PTPRT: variants seen among roughly 807,000 people sequenced by gnomAD.
The protein encoded by PTPRT is protein tyrosine phosphatase receptor type T, also known as receptor-type tyrosine-protein phosphatase T.
PTPRT carries 56 observed loss-of-function variants against 176.8 expected under a neutral mutation model. The observed-to-expected ratio is 0.32, with a 90% CI of 0.26 to 0.40. The LOEUF (loss-of-function observed/expected upper bound fraction) is 0.40, where lower values mean the gene tolerates loss of function less well. PTPRT is among the 10% of genes least tolerant of loss of function. PTPRT has a pLI of 1.00. For synonymous variants in PTPRT, 783 were observed against 739.0 expected (o/e 1.06, Z -0.96); for missense variants, 1,540 against 1,908.2 (o/e 0.81, Z 3.60).
At position 42,870,793 on chromosome 20, in the gene PTPRT, C is replaced by T. The variant is rs574180353; in HGVS notation, c.214+15014G>A. Among the ~76,000 whole-genome samples the T allele has an allele frequency of 2.0e-4, 31 of 152,312 alleles. 2 individuals are homozygous for T. In the South Asian group the frequency reaches 6.4e-3, roughly 32 times the overall value. ...AGACTATACCATTTTTACACTCTCA[C>T]AAACAATGTACAAAGGTTCCAATTT... On this transcript the variant is annotated intron_variant, in intron 2 of 30. Coordinates refer to ENST00000373187, the MANE Select transcript of PTPRT (RefSeq NM_007050.6).
At chr20:42,203,637 T>C (rs1049425274) in intron 15 of PTPRT, among the ~76,000 whole-genome samples, 13 of 152,220 alleles carry the variant, frequency 8.5e-5, no homozygotes, top group Non-Finnish European at 5.9e-5. Context: ...GACTCATCCA[T>C]TGAACATGTA....
intron 1 of PTPRT, among the ~76,000 whole-genome samples, chr20:43,188,862 A>AG (rs5841498): frequency 1 from 151,441 of 151,442 alleles, 75,720 homozygotes; most frequent in Non-Finnish European, 1. Flanking sequence ...GGAGCACGGC[A>AG]GGCACCACCC....
chr20:43,028,175 A>G (rs1198310414), intron 1 of PTPRT, among the ~76,000 whole-genome samples: 1 of 152,178 alleles, frequency 6.6e-6, no homozygotes, highest in Non-Finnish European at 1.5e-5. Context: ...AACAGAGGGC[A>G]TGCCCTATTG....
At chr20:42,236,693 G>A (rs1216168435) in intron 14 of PTPRT, among the ~76,000 whole-genome samples, 1 of 149,538 alleles carries the variant, frequency 6.7e-6, no homozygotes. Context: ...CTATGATAAT[G>A]TCCTGTGATC....
intron 29 of PTPRT, 85 bp from the exon 30 acceptor site, chr20:42,082,102 G>C (rs1983390695): frequency 6.3e-7 from 1 of 1,584,678 alleles, no homozygotes; most frequent in Non-Finnish European, 8.6e-7. Flanking sequence ...GTAGGAGTAG[G>C]GATCAGCTGT....
chr20:42,968,409 T>C (rs992869041), intron 1 of PTPRT, among the ~76,000 whole-genome samples: 17 of 152,044 alleles, frequency 1.1e-4, no homozygotes, highest in Non-Finnish European at 2.2e-4. Context: ...GAGAGAGAGA[T>C]GGATAGGTGG....
At chr20:42,791,033 G>A (rs952880816) in intron 3 of PTPRT, among the ~76,000 whole-genome samples, 162 bp downstream of exon 3, 6 of 152,146 alleles carry the variant, frequency 3.9e-5, no homozygotes, top group African/African-American at 7.2e-5. Flanking sequence ...GTGGGACAGC[G>A]GCTGTGTTAG....
intron 9 of PTPRT, 137 bp from the exon 10 acceptor site, chr20:42,352,422 G>A: frequency 1.3e-6 from 1 of 761,158 alleles, no homozygotes; most frequent in East Asian, 2.6e-5. Context: ...CTGCTAAGCT[G>A]CCTGTTGCTG....
chr20:42,752,181 A>G lies in PTPRT; in HGVS notation c.859+4281T>C, dbSNP rs115774394. Among the ~76,000 whole-genome samples the G allele has an allele frequency of 9.6e-3, 1,463 of 152,158 alleles. 33 individuals carry two copies. Among genetic ancestry groups the G allele is most frequent in the African/African-American group, 0.033 (1,376 of 41,500 alleles). On this transcript the variant is annotated intron_variant, in intron 6 of 30. Transcript: ENST00000373187. ...CACCTGGGTCCAATGTCCTGTCCCCACCCATGGAGTCCTTCATCTCTCTTA... is the reference window on the plus strand; with the variant it reads ...CACCTGGGTCCAATGTCCTGTCCCCGCCCATGGAGTCCTTCATCTCTCTTA...
At chr20:42,100,772 A>G (rs1329032570) in intron 26 of PTPRT, among the ~76,000 whole-genome samples, 1 of 152,234 alleles carries the variant, frequency 6.6e-6, no homozygotes, top group Admixed American at 6.5e-5. Context: ...TGACTTTAGA[A>G]GGCTCTAAGC....
intron 2 of PTPRT, among the ~76,000 whole-genome samples, chr20:42,804,430 C>A (rs1276833578): frequency 6.6e-6 from 1 of 152,142 alleles, no homozygotes; most frequent in African/African-American, 2.4e-5. Context: ...TCTAGACCAC[C>A]AAAGATACTG....
At chr20:42,670,385 G>A (rs1294230710) in intron 7 of PTPRT, among the ~76,000 whole-genome samples, 1 of 152,090 alleles carries the variant, frequency 6.6e-6, no homozygotes, top group Non-Finnish European at 1.5e-5. Context: ...GCCAGCAAGT[G>A]CCCAGCTTGA....
At chr20:43,004,094 T>C (rs927873909) in intron 1 of PTPRT, among the ~76,000 whole-genome samples, 1 of 151,750 alleles carries the variant, frequency 6.6e-6, no homozygotes, top group African/African-American at 2.4e-5. Context: ...AAAATATAAA[T>C]TCAGTGGTTG....
chr20:42,775,109 T>C (rs1353337882), intron 4 of PTPRT, among the ~76,000 whole-genome samples: 3 of 152,180 alleles, frequency 2.0e-5, no homozygotes. Context: ...CATTTCCTAC[T>C]CACTCCACAC....
intron 12 of PTPRT, among the ~76,000 whole-genome samples, chr20:42,300,522 G>T (rs1267473126): frequency 2.0e-5 from 3 of 152,026 alleles, no homozygotes; most frequent in Admixed American, 2.0e-4. Context: ...CATCTTGAAG[G>T]GGCTCACACT....
At chr20:42,888,565 A>G (rs1568662068) in intron 1 of PTPRT, among the ~76,000 whole-genome samples, 1 of 152,208 alleles carries the variant, frequency 6.6e-6, no homozygotes, top group African/African-American at 2.4e-5. Flanking sequence ...TGGAGCCAAT[A>G]TTAAATCCAT....
At chr20:42,084,912 C>T in intron 28 of PTPRT, 67 bp from the exon 29 acceptor site, 1 of 1,289,566 alleles carries the variant, frequency 7.8e-7, no homozygotes. Context: ...CTTGCAGATA[C>T]CCCGGGGACT....
At chr20:42,360,406 T>C (rs2058417382) in intron 9 of PTPRT, among the ~76,000 whole-genome samples, 2 of 152,152 alleles carry the variant, frequency 1.3e-5, no homozygotes, top group Non-Finnish European at 2.9e-5. Context: ...CAGAGTCCCA[T>C]AGCAGGGCCA....
At chr20:42,268,491 G>A (rs143846506) in intron 13 of PTPRT, among the ~76,000 whole-genome samples, 257 of 152,246 alleles carry the variant, frequency 1.7e-3, no homozygotes, top group African/African-American at 5.0e-3. Flanking sequence ...GCACAGTGAC[G>A]AGAGTCACTT....
Sources: allele counts gnomAD v4.1 joint callset (sites outside exome capture counted in the v4.1 genomes callset), GRCh38; gene constraint gnomAD v4.1.1; transcripts MANE v1.5; gene names NCBI Gene and HGNC (gene_info 2026-07-23, HGNC 2026-07-21).